CALD1: variants seen among roughly 807,000 people sequenced by gnomAD.
CALD1 encodes caldesmon.
In CALD1, 33 loss-of-function variants were observed where a neutral mutation model predicts 99.9. The ratio of observed to expected loss-of-function variants is 0.33; its 90% CI spans 0.25 to 0.44. The LOEUF (loss-of-function observed/expected upper bound fraction) is 0.44. CALD1 is among the 20% of genes least tolerant of loss of function. CALD1 has a pLI of 1.00. For synonymous variants in CALD1, 310 were observed against 325.0 expected (o/e 0.95, Z 0.50); for missense variants, 861 against 962.1 (o/e 0.89, Z 1.39).
intron 13 of CALD1, chr7:134,961,476 A>C (rs1440112702): frequency 6.6e-6 from 1 of 152,204 alleles, no homozygotes; most frequent in African/African-American, 2.4e-5. Context: ...CTGTGCATTT[A>C]ATTGCATCCA....
chr7:134,726,733 AG>A, the CALD1 span, among the ~76,000 whole-genome samples: 1 of 152,114 alleles, frequency 6.6e-6, no homozygotes, highest in Non-Finnish European at 1.5e-5. Flanking sequence ...CAGCAGAAAA[AG>A]CATTTAATAA....
At chr7:134,751,006 A>G (rs1015056434) in intron 1 of CALD1, among the ~76,000 whole-genome samples, 1 of 152,176 alleles carries the variant, frequency 6.6e-6, no homozygotes, top group Non-Finnish European at 1.5e-5. Context: ...GCCCCTTCCC[A>G]CCATGTCTCA....
intron 3 of CALD1, among the ~76,000 whole-genome samples, chr7:134,904,494 T>C (rs917888096): frequency 1.8e-4 from 27 of 151,986 alleles, no homozygotes; most frequent in Non-Finnish European, 4.4e-5. Flanking sequence ...GGTGGGAGGA[T>C]TGCTTGAGCT....
intron 1 of CALD1, among the ~76,000 whole-genome samples, chr7:134,752,470 A>C (rs983759287): frequency 7.9e-5 from 12 of 152,222 alleles, no homozygotes; most frequent in African/African-American, 2.9e-4. Flanking sequence ...GTGAAACTAT[A>C]TATTATACAG....
Position 134,768,314 on chromosome 7 carries a change from G to A in CALD1, c.-130+23951G>A, listed in dbSNP as rs149852268. Among the ~76,000 whole-genome samples the A allele has an allele frequency of 1.7e-3, 264 of 152,262 alleles. 2 individuals carry two copies. Among genetic ancestry groups the A allele is most frequent in the African/African-American group, 6.1e-3 (252 of 41,534 alleles). ...TTCCACCTGCCGCTCCAGGAGACTG[G>A]CCCCATCAAAGTGGGTCAGTGCAGG... On this transcript the variant is annotated intron_variant, in intron 1 of 13. Coordinates refer to the CALD1 transcript ENST00000417172.
chr7:134,880,653 C>T (rs1410588208), intron 3 of CALD1, among the ~76,000 whole-genome samples: 9 of 151,944 alleles, frequency 5.9e-5, no homozygotes, highest in Admixed American at 6.6e-5. Flanking sequence ...TTTGGGGGAT[C>T]TAACATTCCC....
chr7:134,916,477 A>G (rs1273518516), intron 3 of CALD1, among the ~76,000 whole-genome samples: 1 of 152,188 alleles, frequency 6.6e-6, no homozygotes, highest in Non-Finnish European at 1.5e-5. Flanking sequence ...AGGGGAGGGA[A>G]AGATCATAAA....
intron 3 of CALD1, among the ~76,000 whole-genome samples, chr7:134,914,036 A>G (rs1642572940): frequency 6.6e-6 from 1 of 152,200 alleles, no homozygotes; most frequent in African/African-American, 2.4e-5. Flanking sequence ...CAGGTTACCA[A>G]GTATAAAATA....
chr7:134,785,006 G>A (rs563860689), intron 1 of CALD1, among the ~76,000 whole-genome samples: 8 of 152,252 alleles, frequency 5.3e-5, no homozygotes, highest in East Asian at 3.9e-4. Context: ...GCACAGGCGC[G>A]CCTAAGGATG....
intron 3 of CALD1, among the ~76,000 whole-genome samples, chr7:134,903,658 G>C (rs118049430): frequency 6.6e-6 from 1 of 152,056 alleles, no homozygotes; most frequent in East Asian, 1.9e-4. Flanking sequence ...TCTTCTTAGC[G>C]TCTGCCCTCT....
intron 3 of CALD1, among the ~76,000 whole-genome samples, chr7:134,907,265 A>G (rs1432913449): frequency 1.3e-5 from 2 of 152,134 alleles, no homozygotes; most frequent in African/African-American, 2.4e-5. Context: ...CATAGAAAAT[A>G]AAAAAACCAG....
intron 7 of CALD1, 121 bp from the exon 8 acceptor site, chr7:134,947,387 G>A (rs926714818): frequency 2.6e-5 from 26 of 999,724 alleles, no homozygotes; most frequent in Non-Finnish European, 3.8e-5. Context: ...TACCCCCTGG[G>A]CTAATGAGAG....
intron 2 of CALD1, among the ~76,000 whole-genome samples, chr7:134,849,027 C>CT (rs969952130): frequency 2.0e-5 from 3 of 151,980 alleles, no homozygotes; most frequent in South Asian, 2.1e-4. Context: ...ATAAAATGGG[C>CT]TTTTTTTTAA....
intron 3 of CALD1, among the ~76,000 whole-genome samples, chr7:134,873,444 A>G (rs1448369660): frequency 6.6e-6 from 1 of 152,162 alleles, no homozygotes; most frequent in African/African-American, 2.4e-5. Context: ...CATCACCAGG[A>G]AATACATACT....
intron 3 of CALD1, among the ~76,000 whole-genome samples, chr7:134,898,610 A>G (rs1586240814): frequency 6.6e-6 from 1 of 151,648 alleles, no homozygotes; most frequent in African/African-American, 2.4e-5. Flanking sequence ...GCCTCACTCT[A>G]TTGCCCAGGC....
At chr7:134,777,741 C>G (rs969565980), upstream of CALD1, among the ~76,000 whole-genome samples, 1 of 152,200 alleles carries the variant, frequency 6.6e-6, no homozygotes, top group Non-Finnish European at 1.5e-5. Context: ...TATCTTTGCA[C>G]AGACATCACC....
intron 3 of CALD1, among the ~76,000 whole-genome samples, chr7:134,912,953 A>G (rs1430560536): frequency 2.0e-5 from 3 of 152,056 alleles, no homozygotes; most frequent in African/African-American, 7.2e-5. Context: ...GTTTCTTTGT[A>G]TATCTTTGGG....
At chr7:134,940,197 A>G (rs1806317689) in intron 6 of CALD1, among the ~76,000 whole-genome samples, 1 of 152,224 alleles carries the variant, frequency 6.6e-6, no homozygotes. Context: ...TCTTTTAAGA[A>G]TGGATGAGAT....
At chr7:134,753,010 G>T (rs1488248830) in intron 1 of CALD1, among the ~76,000 whole-genome samples, 5 of 99,088 alleles carry the variant, frequency 5.0e-5, no homozygotes, top group Admixed American at 1.0e-4. Flanking sequence ...ACTCTGTATC[G>T]AAAAAAAAAA....
Sources: gnomAD v4.1 joint callset for allele counts (sites outside exome capture counted in the v4.1 genomes callset) on GRCh38, gnomAD v4.1.1 for gene constraint, MANE v1.5 for transcripts, NCBI Gene and HGNC (gene_info 2026-07-23, HGNC 2026-07-21) for gene names.